Variants in GAPVD1 observed in about 807,000 individuals in gnomAD.
The protein encoded by GAPVD1 is GTPase-activating protein and VPS9 domain-containing protein 1.
A neutral mutation model predicts 155.5 loss-of-function variants in GAPVD1; 35 were observed. The observed-to-expected ratio is 0.23, with a 90% CI of 0.17 to 0.30. The LOEUF (loss-of-function observed/expected upper bound fraction) is 0.30, where lower values mean the gene tolerates loss of function less well. Ranked by LOEUF, GAPVD1 falls within the 10% of genes least tolerant of loss-of-function variation. GAPVD1 has a pLI of 1.00. For missense variants in GAPVD1, 1,429 were observed against 1,775.7 expected, an observed-to-expected ratio of 0.80 and a Z score of 3.51; for synonymous variants, 636 against 619.7, an observed-to-expected ratio of 1.03 and a Z score of -0.39.
intron 13 of GAPVD1, among the ~76,000 whole-genome samples, chr9:125,330,454 G>A (rs1017138195): frequency 1.3e-5 from 2 of 151,878 alleles, no homozygotes; most frequent in African/African-American, 2.4e-5. Context: ...GAGTAGCTGG[G>A]ATTACAGACA....
chr9:125,299,206 ATTAT>A (rs1287307741), intron 4 of GAPVD1, 100 bp downstream of exon 4: 5 of 611,896 alleles, frequency 8.2e-6, no homozygotes, highest in Admixed American at 3.1e-5. Flanking sequence ...AACAAAGTGC[ATTAT>A]TTAAGATAAT....
intron 26 of GAPVD1, 38 bp downstream of exon 26, chr9:125,359,530 A>C (rs753590634): frequency 1.1e-5 from 11 of 967,436 alleles, no homozygotes; most frequent in Non-Finnish European, 1.7e-5. Context: ...ATGTTAACTA[A>C]ATGCTGCGTG....
chr9:125,272,164 C>A (rs1340192478), intron 2 of GAPVD1, among the ~76,000 whole-genome samples: 1 of 152,094 alleles, frequency 6.6e-6, no homozygotes, highest in Non-Finnish European at 1.5e-5. Flanking sequence ...GCTGGGATTA[C>A]AGGCGCCTGC....
At chr9:125,298,322 A>G (rs749672389) in intron 3 of GAPVD1, among the ~76,000 whole-genome samples, 5 of 152,200 alleles carry the variant, frequency 3.3e-5, no homozygotes. Flanking sequence ...CAGGGTTTAC[A>G]GCACCTGTCT....
In GAPVD1 at chr9:125,298,943, A is replaced by G; in HGVS notation, c.22A>G (p.Thr8Ala). Residue 8 changes from threonine to alanine, a missense_variant, in exon 4 of 28, where the codon ACT (threonine) becomes GCT (alanine). Transcript: ENST00000297933. ...GAAGATGGTGAAACTAGATATTCAT[A>G]CTCTGGCTCATCACCTCAAGCAGGA... is the stretch of plus-strand genomic sequence containing the variant. MVKLDIH[T>A]LAHHLKQERL... 3 of 1,607,252 alleles carry G rather than the reference A, an allele frequency of 1.9e-6. No homozygotes were observed. Among genetic ancestry groups the G allele is most frequent in the Non-Finnish European group, 2.5e-6 (3 of 1,177,200 alleles).
At chr9:125,273,471 G>T (rs62581362) in intron 2 of GAPVD1, among the ~76,000 whole-genome samples, 2,739 of 150,592 alleles carry the variant, frequency 0.018, 29 homozygotes, top group Admixed American at 0.03. Context: ...AGAGCTTGGT[G>T]CCAAATTTTT....
intron 2 of GAPVD1, among the ~76,000 whole-genome samples, chr9:125,288,681 C>T (rs1838116570): frequency 6.6e-6 from 1 of 152,114 alleles, no homozygotes; most frequent in South Asian, 2.1e-4. Context: ...CCGGCCCATT[C>T]TTACATTCAT....
chr9:125,323,835 C>T lies in GAPVD1; in HGVS notation c.1770C>T (p.Asp590=). The change falls in exon 11 of 28, where the codon GAC becomes GAT. Residue 590 remains aspartate (D), a synonymous_variant. Coordinates refer to ENST00000297933, the MANE Select transcript of GAPVD1 (RefSeq NM_001282680.3). The stretch of plus-strand genomic sequence containing the variant: ...GCTCCAATTCAGTGTCCTCCCTAGA[C>T]CTAGAAGGAGAGTCTGTGTCAGAAC... The part of the protein sequence containing the change: ...SNRSNSVSSL[D]LEGESVSELG... 1.9e-6 allele frequency: 3 copies of T among 1,612,940 alleles called. No homozygotes were observed. The highest frequency in any genetic ancestry group is 1.3e-5 in the African/African-American group (1 of 75,018).
chr9:125,280,932 TA>T (rs1451183989), intron 2 of GAPVD1, among the ~76,000 whole-genome samples: 2 of 152,180 alleles, frequency 1.3e-5, no homozygotes, highest in African/African-American at 4.8e-5. Flanking sequence ...GAAGTCAATA[TA>T]AAAAGTAGCT....
At chr9:125,274,870 A>G (rs1050601817) in intron 2 of GAPVD1, among the ~76,000 whole-genome samples, 1 of 152,184 alleles carries the variant, frequency 6.6e-6, no homozygotes, top group Non-Finnish European at 1.5e-5. Context: ...ATAGAGAAGT[A>G]AAGTAACTAG....
intron 6 of GAPVD1, among the ~76,000 whole-genome samples, chr9:125,305,464 C>T (rs1035107693): frequency 3.3e-5 from 5 of 151,160 alleles, no homozygotes; most frequent in African/African-American, 7.3e-5. Flanking sequence ...CCTCTGCCTC[C>T]GGGTTCAAGC....
At position 125,349,415 on chromosome 9, in the gene GAPVD1, A is replaced by G. The variant is rs1848993294; in HGVS notation, c.3195A>G (p.Ala1065=). 1.2e-6 allele frequency: 2 copies of G among 1,613,916 alleles called. No homozygotes were observed. The highest frequency in any genetic ancestry group is 1.7e-6 in the Non-Finnish European group (2 of 1,179,884). ...STEVMGDGES[A]HDSPRDEALQ... is the part of the protein sequence containing the mutation. ...AGGTTATGGGTGATGGTGAAAGTGCACATGATTCTCCCCGTGACGAAGCAC... is the reference window on the plus strand; with the variant it reads ...AGGTTATGGGTGATGGTGAAAGTGCGCATGATTCTCCCCGTGACGAAGCAC... The change falls in exon 21 of 28, where the codon GCA becomes GCG. Residue 1065 remains alanine, a synonymous_variant. Coordinates refer to ENST00000297933, the MANE Select transcript of GAPVD1 (RefSeq NM_001282680.3).
At chr9:125,265,893 C>A in intron 1 of GAPVD1, among the ~76,000 whole-genome samples, 1 of 142,168 alleles carries the variant, frequency 7.0e-6, no homozygotes. Flanking sequence ...CAAAGTGAGA[C>A]CCCTGTCTCT....
At chr9:125,279,919 C>T (rs1026706143) in intron 2 of GAPVD1, among the ~76,000 whole-genome samples, 7 of 151,328 alleles carry the variant, frequency 4.6e-5, no homozygotes, top group Non-Finnish European at 7.4e-5. Context: ...CACCACCATG[C>T]CTGGCTCATT....
rs754094472 is a variant in GAPVD1, at chr9:125,302,424, T to G, written c.627T>G (p.Val209=). The change falls in exon 5 of 28, where the codon GTT becomes GTG. Residue 209 remains valine, a synonymous_variant. Coordinates refer to ENST00000297933, the MANE Select transcript of GAPVD1 (RefSeq NM_001282680.3). ...ATGAGCCAATTATGCAACTGCTTGT[T>G]GAAGATGAAGATCACCTGGAAACAG... ...TLHEPIMQLL[V]EDEDHLETDP... is the part of the protein sequence containing the mutation. 2.5e-6 allele frequency: 4 copies of G among 1,613,836 alleles called. No individual in the cohort carries two copies. The South Asian group carries it at 4.4e-5, about 18-fold the overall frequency.
At chr9:125,321,370 TG>T in intron 9 of GAPVD1, 62 bp from the exon 10 acceptor site, 1 of 1,177,256 alleles carries the variant, frequency 8.5e-7, no homozygotes, top group Non-Finnish European at 1.3e-6. Context: ...GCATTTGCTG[TG>T]GTTTGTTTCC....
intron 9 of GAPVD1, among the ~76,000 whole-genome samples, chr9:125,313,620 T>C (rs986491101): frequency 6.6e-6 from 1 of 152,164 alleles, no homozygotes; most frequent in African/African-American, 2.4e-5. Flanking sequence ...TCTTTTTTTT[T>C]GACATGGAGT....
intron 3 of GAPVD1, among the ~76,000 whole-genome samples, chr9:125,297,975 A>G (rs200362065): frequency 6.6e-6 from 1 of 152,126 alleles, no homozygotes. Context: ...CGAACTCCTG[A>G]CCTCAGGTGA....
At chr9:125,330,816 A>G (rs1057016526) in intron 13 of GAPVD1, among the ~76,000 whole-genome samples, 78 of 152,344 alleles carry the variant, frequency 5.1e-4, no homozygotes, top group African/African-American at 1.7e-3. Context: ...GAATCATTGA[A>G]TTTAGTATCT....
Sources: allele counts gnomAD v4.1 joint callset (sites outside exome capture counted in the v4.1 genomes callset), GRCh38; gene constraint gnomAD v4.1.1; transcripts MANE v1.5; gene names NCBI Gene and HGNC (gene_info 2026-07-23, HGNC 2026-07-21).